The following ZNF804A variants were observed in gnomAD, a reference collection of about 807,000 sequenced individuals.
ZNF804A encodes zinc finger protein 804A.
Under a neutral mutation model 16.5 loss-of-function variants are expected in ZNF804A, and 2 were observed. That is an observed-to-expected ratio of 0.12 (90% confidence interval 0.05 to 0.38). The LOEUF is 0.38. Among genes scored for constraint, ZNF804A ranks in the 10% least tolerant of loss-of-function variants. The pLI is 0.99. For synonymous variants in ZNF804A, 534 were observed against 489.6 expected, an observed-to-expected ratio of 1.09 and a Z score of -1.20; for missense variants, 1,473 against 1,390.7, an observed-to-expected ratio of 1.06 and a Z score of -0.94.
At chr2:184,604,462 C>T (rs1310758340) in intron 1 of ZNF804A, among the ~76,000 whole-genome samples, 1 of 151,982 alleles carries the variant, frequency 6.6e-6, no homozygotes, top group African/African-American at 2.4e-5. Context: ...CGTGAGCCAC[C>T]GCGCTCGGCC....
chr2:184,829,888 C>A (rs1446689421), intron 1 of ZNF804A, among the ~76,000 whole-genome samples: 2 of 126,452 alleles, frequency 1.6e-5, no homozygotes, highest in African/African-American at 3.2e-5. Context: ...ATGTCAAAAC[C>A]CTGTCTCTAC....
intron 1 of ZNF804A, among the ~76,000 whole-genome samples, chr2:184,682,767 A>G (rs1692563654): frequency 6.6e-6 from 1 of 152,096 alleles, no homozygotes; most frequent in African/African-American, 2.4e-5. Context: ...TAAACTTTGG[A>G]ATGCTGAGGT....
At chr2:184,721,581 A>T (rs1430292714) in intron 1 of ZNF804A, among the ~76,000 whole-genome samples, 2 of 152,130 alleles carry the variant, frequency 1.3e-5, no homozygotes, top group African/African-American at 4.8e-5. Context: ...CTACAAAAAA[A>T]TAACAGGTGC....
At chr2:184,727,874 T>A (rs1332968126) in intron 1 of ZNF804A, among the ~76,000 whole-genome samples, 1 of 151,742 alleles carries the variant, frequency 6.6e-6, no homozygotes, top group Non-Finnish European at 1.5e-5. Flanking sequence ...TCATTTGGTA[T>A]TGTTATTATT....
At chr2:184,702,835 T>C (rs1409588072) in intron 1 of ZNF804A, among the ~76,000 whole-genome samples, 1 of 152,194 alleles carries the variant, frequency 6.6e-6, no homozygotes, top group Non-Finnish European at 1.5e-5. Context: ...TATGTGTATA[T>C]GTTATGTATA....
At chr2:184,849,194 A>G (rs1695565430) in intron 1 of ZNF804A, among the ~76,000 whole-genome samples, 1 of 152,002 alleles carries the variant, frequency 6.6e-6, no homozygotes. Context: ...GGGTGGACCC[A>G]TGTGGTATTA....
intron 1 of ZNF804A, among the ~76,000 whole-genome samples, chr2:184,787,902 T>C (rs190330346): frequency 1.1e-4 from 17 of 152,088 alleles, no homozygotes; most frequent in Admixed American, 1.1e-3. Flanking sequence ...GTCTTTGTCA[T>C]AAATTATTTG....
In ZNF804A at chr2:184,937,818, C is replaced by T. The variant is rs1352363356; in HGVS notation, c.2422C>T (p.Pro808Ser). The change falls in exon 4 of 4, where the codon CCT (proline) becomes TCT (serine). Residue 808 changes from proline to serine, a missense_variant. Transcript: ENST00000302277. ...AAGTACTTCAGTTGCTCCCTGCAAG[C>T]CTAAAAAGAAACGGAGGCGAAAAAG... is the stretch of plus-strand genomic sequence containing the variant. ...PPSTSVAPCK[P>S]KKKRRRKRGR... is the part of the protein sequence containing the mutation. The T allele has an allele frequency of 1.2e-6, 2 of 1,614,000 alleles. No individual in the cohort carries two copies. Among genetic ancestry groups the T allele is most frequent in the East Asian group, 2.2e-5 (1 of 44,868 alleles).
At chr2:184,828,031 C>T (rs1695196044) in intron 1 of ZNF804A, among the ~76,000 whole-genome samples, 1 of 151,730 alleles carries the variant, frequency 6.6e-6, no homozygotes, top group Non-Finnish European at 1.5e-5. Context: ...TTACATAAAA[C>T]ATCATTAATG....
chr2:184,665,546 A>G (rs1333437599), intron 1 of ZNF804A, among the ~76,000 whole-genome samples: 1 of 152,210 alleles, frequency 6.6e-6, no homozygotes, highest in African/African-American at 2.4e-5. Flanking sequence ...TTATTATCTC[A>G]CAGTTCTGTA....
intron 2 of ZNF804A, among the ~76,000 whole-genome samples, chr2:184,900,599 C>T (rs757900983): frequency 3.3e-5 from 5 of 151,846 alleles, no homozygotes; most frequent in Non-Finnish European, 7.4e-5. Flanking sequence ...AATGTAGGTC[C>T]TAAAAAACAG....
intron 2 of ZNF804A, among the ~76,000 whole-genome samples, chr2:184,887,303 T>G (rs1313272512): frequency 2.6e-5 from 4 of 152,238 alleles, no homozygotes; most frequent in Admixed American, 2.6e-4. Flanking sequence ...TTATTGTACA[T>G]ATTGCTATCA....
intron 1 of ZNF804A, among the ~76,000 whole-genome samples, chr2:184,769,477 C>A (rs1694179716): frequency 6.6e-6 from 1 of 151,992 alleles, no homozygotes; most frequent in African/African-American, 2.4e-5. Flanking sequence ...CAGCAGGTAT[C>A]TCAACATGTT....
At chr2:184,623,763 G>C (rs1691453454) in intron 1 of ZNF804A, among the ~76,000 whole-genome samples, 1 of 152,060 alleles carries the variant, frequency 6.6e-6, no homozygotes, top group Non-Finnish European at 1.5e-5. Flanking sequence ...ACACACTCAG[G>C]TGTGCACGCA....
intron 1 of ZNF804A, among the ~76,000 whole-genome samples, chr2:184,754,530 G>C: frequency 6.6e-6 from 1 of 151,604 alleles, no homozygotes; most frequent in East Asian, 1.9e-4. Flanking sequence ...TCAGCTATTG[G>C]TTTCTTTATA....
intron 1 of ZNF804A, among the ~76,000 whole-genome samples, chr2:184,613,114 A>C (rs1422159509): frequency 6.6e-6 from 1 of 152,264 alleles, no homozygotes; most frequent in Admixed American, 6.5e-5. Context: ...GTGCGGATAT[A>C]ATTCTATGAA....
intron 1 of ZNF804A, among the ~76,000 whole-genome samples, chr2:184,813,451 G>A (rs2105787709): frequency 6.6e-6 from 1 of 152,132 alleles, no homozygotes; most frequent in East Asian, 1.9e-4. Flanking sequence ...ATAGGAAATA[G>A]GACATTTCTA....
intron 1 of ZNF804A, among the ~76,000 whole-genome samples, chr2:184,821,216 A>G (rs1182457750): frequency 6.6e-6 from 1 of 152,144 alleles, no homozygotes; most frequent in Non-Finnish European, 1.5e-5. Flanking sequence ...AAAGACAGAC[A>G]CATAGACCAA....
intron 1 of ZNF804A, among the ~76,000 whole-genome samples, chr2:184,626,683 C>T (rs960209893): frequency 6.6e-6 from 1 of 152,038 alleles, no homozygotes; most frequent in Non-Finnish European, 1.5e-5. Context: ...GCCCCTAAAC[C>T]CTCTGTGTCT....
Sources: allele counts gnomAD v4.1 joint callset (sites outside exome capture counted in the v4.1 genomes callset), GRCh38; gene constraint gnomAD v4.1.1; transcripts MANE v1.5; gene names NCBI Gene and HGNC (gene_info 2026-07-23, HGNC 2026-07-21).